The following PTPRQ variants were observed in gnomAD, a reference collection of about 807,000 sequenced individuals.
PTPRQ encodes protein tyrosine phosphatase receptor type Q.
Under a neutral mutation model 246.0 loss-of-function variants are expected in PTPRQ, and 199 were observed. The ratio of observed to expected loss-of-function variants is 0.81; its 90% CI spans 0.72 to 0.91. PTPRQ has a LOEUF of 0.91. Among genes scored for constraint, PTPRQ ranks in the 40% least tolerant of loss-of-function variants. The pLI is 0.00. For synonymous variants in PTPRQ, 869 were observed against 853.2 expected (o/e 1.02, Z -0.32); for missense variants, 2,624 against 2,528.4 (o/e 1.04, Z -0.81).
chr12:80,614,862 T>C (rs1898691515), intron 29 of PTPRQ, among the ~76,000 whole-genome samples: 1 of 150,950 alleles, frequency 6.6e-6, no homozygotes, highest in African/African-American at 2.4e-5. Flanking sequence ...AGGTAGTGAA[T>C]GGTACATATA....
intron 25 of PTPRQ, among the ~76,000 whole-genome samples, chr12:80,555,863 T>A (rs1440258647): frequency 6.6e-6 from 1 of 152,214 alleles, no homozygotes; most frequent in Non-Finnish European, 1.5e-5. Context: ...TACTGCTTGC[T>A]ATGTTCAGGT....
At chr12:80,450,457 G>C (rs2120413680) in intron 3 of PTPRQ, among the ~76,000 whole-genome samples, 1 of 152,308 alleles carries the variant, frequency 6.6e-6, no homozygotes, top group East Asian at 1.9e-4. Context: ...TCTTGTGCCA[G>C]TTTTCAAAGG....
intron 6 of PTPRQ, among the ~76,000 whole-genome samples, chr12:80,466,517 A>T (rs986219457): frequency 6.6e-6 from 1 of 152,208 alleles, no homozygotes; most frequent in East Asian, 1.9e-4. Flanking sequence ...TTTAAAGTTC[A>T]TATGGAACCA....
chr12:80,668,636 A>G (rs1014303215), intron 39 of PTPRQ, among the ~76,000 whole-genome samples: 4 of 151,946 alleles, frequency 2.6e-5, no homozygotes, highest in African/African-American at 9.7e-5. Context: ...TAAAATGAGC[A>G]TAATATTAGT....
intron 35 of PTPRQ, among the ~76,000 whole-genome samples, chr12:80,646,939 T>TAATA (rs1184894639): frequency 6.6e-6 from 1 of 152,210 alleles, no homozygotes; most frequent in African/African-American, 2.4e-5. Flanking sequence ...ATAATATGAA[T>TAATA]AATATTTTGC....
In PTPRQ at chr12:80,613,083, A is replaced by G. The variant is rs550571150; in HGVS notation, c.4919-509A>G. Among the ~76,000 whole-genome samples the G allele has an allele frequency of 8.6e-5, 13 of 150,752 alleles. No individual in the cohort carries two copies. In the East Asian group the frequency reaches 2.5e-3, roughly 29 times the overall value. On this transcript the variant is annotated intron_variant, in intron 28 of 44. Coordinates refer to ENST00000644991, the MANE Select transcript of PTPRQ (RefSeq NM_001145026.2). The stretch of plus-strand genomic sequence containing the variant: ...GAATCTATACAGAAGACAAAATTGC[A>G]TAAAAGTATAACAAAACATGGAAAG...
chr12:80,512,089 G>A (rs1209162579), intron 17 of PTPRQ, among the ~76,000 whole-genome samples: 1 of 152,132 alleles, frequency 6.6e-6, no homozygotes, highest in Non-Finnish European at 1.5e-5. Flanking sequence ...TGATGGATTG[G>A]CTGTGCAGAT....
At chr12:80,627,692 C>T (rs7968327) in intron 33 of PTPRQ, among the ~76,000 whole-genome samples, 1 of 151,758 alleles carries the variant, frequency 6.6e-6, no homozygotes, top group African/African-American at 2.4e-5. Context: ...TGTAAACAGA[C>T]CAATTTAATG....
intron 25 of PTPRQ, among the ~76,000 whole-genome samples, chr12:80,581,775 GC>G (rs1897445556): frequency 6.6e-6 from 1 of 151,934 alleles, no homozygotes; most frequent in Non-Finnish European, 1.5e-5. Context: ...AAATAGCAAA[GC>G]CATACACCCA....
At chr12:80,608,183 CAG>C (rs1390533110) in intron 27 of PTPRQ, among the ~76,000 whole-genome samples, 4 of 150,348 alleles carry the variant, frequency 2.7e-5, no homozygotes, top group African/African-American at 9.7e-5. Flanking sequence ...AGAGGAGAAC[CAG>C]AGTCTAATTG....
rs546406819 is a variant in PTPRQ at position 80,515,960 on chromosome 12, T to G, written c.2678+5517T>G. Among the ~76,000 whole-genome samples, 3 of 152,300 alleles carry G rather than the reference T, an allele frequency of 2.0e-5. No individual in the cohort carries two copies. The South Asian group carries it at 6.2e-4, about 32-fold the overall frequency. On this transcript the variant is annotated intron_variant, in intron 17 of 44. Transcript: ENST00000644991. ...AATCCATTGCATTTTAAAATGATTTTTCCTTCTGAAGTTTGCTTTGCAAAA... is the reference window on the plus strand; with the variant it reads ...AATCCATTGCATTTTAAAATGATTTGTCCTTCTGAAGTTTGCTTTGCAAAA...
intron 9 of PTPRQ, among the ~76,000 whole-genome samples, chr12:80,487,553 T>G (rs569057582): frequency 7.2e-5 from 11 of 152,250 alleles, no homozygotes; most frequent in African/African-American, 2.4e-4. Context: ...GGCATTGATA[T>G]ATGTCTGATG....
intron 34 of PTPRQ, 22 bp downstream of exon 34, chr12:80,632,313 A>C: frequency 1.3e-6 from 2 of 1,551,178 alleles, no homozygotes; most frequent in Non-Finnish European, 1.7e-6. Context: ...TTGCGCTTAC[A>C]TTCCAGGATG....
chr12:80,610,932 A>G (rs1898527314), intron 28 of PTPRQ, among the ~76,000 whole-genome samples: 1 of 150,390 alleles, frequency 6.6e-6, no homozygotes, highest in African/African-American at 2.4e-5. Flanking sequence ...TGCCTAAGAG[A>G]TAATATTTCC....
chr12:80,562,331 A>G (rs1159605374), intron 25 of PTPRQ, among the ~76,000 whole-genome samples: 1 of 152,174 alleles, frequency 6.6e-6, no homozygotes, highest in East Asian at 1.9e-4. Flanking sequence ...AATTTCTAAA[A>G]CAGATTGTGT....
chr12:80,491,252 A>G (rs1404012635), intron 9 of PTPRQ, among the ~76,000 whole-genome samples: 1 of 151,980 alleles, frequency 6.6e-6, no homozygotes, highest in Non-Finnish European at 1.5e-5. Context: ...TCTTTGTGCT[A>G]CCTCACTATA....
chr12:80,641,147 C>A (rs1899841426), intron 35 of PTPRQ, among the ~76,000 whole-genome samples: 1 of 152,166 alleles, frequency 6.6e-6, no homozygotes, highest in Non-Finnish European at 1.5e-5. Flanking sequence ...CAATGGGTAG[C>A]CAACTGTGCA....
rs540508191 is a variant in PTPRQ, at chr12:80,633,252, A to G, written c.5786+961A>G. Among the ~76,000 whole-genome samples, 5 of 152,358 alleles carry G rather than the reference A, an allele frequency of 3.3e-5. No individual in the cohort carries two copies. In the South Asian group the frequency reaches 1.0e-3, roughly 32 times the overall value. ...AGGTTTAATTTAAAATATCTCAATC[A>G]GGTCTAAATATTAAAGTTTATACAG... On this transcript the variant is annotated intron_variant, in intron 34 of 44. Coordinates refer to ENST00000644991, the MANE Select transcript of PTPRQ (RefSeq NM_001145026.2).
chr12:80,670,392 G>A lies in PTPRQ; in HGVS notation c.6502G>A (p.Glu2168Lys), dbSNP rs1900931008. ...VRQCNFTAWP[E>K]HGVPENSAPL... ...ACAGTGTAACTTTACTGCCTGGCCAGAGCATGGGGTTCCTGAGAACAGCGC... is the reference window on the plus strand; with the variant it reads ...ACAGTGTAACTTTACTGCCTGGCCAAAGCATGGGGTTCCTGAGAACAGCGC... The change falls in exon 42 of 45, where the codon GAG (glutamate) becomes AAG (lysine). Residue 2168 changes from glutamate (E) to lysine (K), a missense_variant. By Grantham distance (56) the Glu-to-Lys change is moderately conservative. Coordinates refer to ENST00000644991, the MANE Select transcript of PTPRQ (RefSeq NM_001145026.2). 1.9e-6 allele frequency: 3 copies of A among 1,551,158 alleles called. No individual in the cohort carries two copies. The East Asian group carries it at 7.3e-5, about 38-fold the overall frequency.
Sources: allele counts gnomAD v4.1 joint callset (sites outside exome capture counted in the v4.1 genomes callset), GRCh38; gene constraint gnomAD v4.1.1; transcripts MANE v1.5; gene names NCBI Gene and HGNC (gene_info 2026-07-23, HGNC 2026-07-21).